The following GABRB3 variants were observed in gnomAD, a reference collection of about 807,000 sequenced individuals.
GABRB3 encodes gamma-aminobutyric acid type A receptor subunit beta3.
In GABRB3, 14 loss-of-function variants were observed where a neutral mutation model predicts 52.1. That is an observed-to-expected ratio of 0.27 (90% CI 0.18 to 0.42). GABRB3 has a LOEUF of 0.42. Among genes scored for constraint, GABRB3 ranks in the 10% least tolerant of loss-of-function variants. GABRB3 has a pLI of 1.00. For synonymous variants in GABRB3, 260 were observed against 232.3 expected (o/e 1.12, Z -1.08); for missense variants, 307 against 609.1 (o/e 0.50, Z 5.22).
rs114354844 is a variant in GABRB3, at chr15:26,653,725, C to A, written c.241-32191G>T. On this transcript the variant is annotated intron_variant, in intron 3 of 8. Transcript: ENST00000311550. The stretch of plus-strand genomic sequence containing the variant: ...TACAGTTAGGTCAGATCTTTTTCAC[C>A]GTCATAATTTTCTTACTGTCATAAT... 3.3e-5 allele frequency among the ~76,000 whole-genome samples: 5 copies of A among 152,256 alleles called. No homozygotes were observed. The South Asian group carries it at 1.0e-3, about 32-fold the overall frequency.
chr15:26,596,535 C>T (rs892735096), intron 4 of GABRB3, among the ~76,000 whole-genome samples: 2 of 151,946 alleles, frequency 1.3e-5, no homozygotes, highest in Non-Finnish European at 2.9e-5. Context: ...ATAAAACATT[C>T]CCCCCAAAAA....
At chr15:26,762,493 G>C (rs528679474) in intron 3 of GABRB3, among the ~76,000 whole-genome samples, 8 of 152,144 alleles carry the variant, frequency 5.3e-5, no homozygotes, top group African/African-American at 1.9e-4. Context: ...GTGAAGAAGT[G>C]CTAATTAAGG....
rs1231602260 is a variant in GABRB3, at chr15:26,551,835, G to C, written c.1081-3701C>G. On this transcript the variant is annotated intron_variant, in intron 8 of 8. Transcript: ENST00000311550. ...ACAGCCAGGCTGAGTGCTTGGAGATGGGAATGGACCGAGATCACACCACCT... is the reference window on the plus strand; with the variant it reads ...ACAGCCAGGCTGAGTGCTTGGAGATCGGAATGGACCGAGATCACACCACCT... Among the ~76,000 whole-genome samples, 4 of 151,892 alleles carry C rather than the reference G, an allele frequency of 2.6e-5. No individual in the cohort carries two copies. The East Asian group carries it at 7.7e-4, about 29-fold the overall frequency.
chr15:26,755,085 C>A (rs1890624196), intron 3 of GABRB3, among the ~76,000 whole-genome samples: 1 of 149,680 alleles, frequency 6.7e-6, no homozygotes, highest in South Asian at 2.1e-4. Context: ...CTCACTGCAA[C>A]CTCCAACTCC....
intron 3 of GABRB3, among the ~76,000 whole-genome samples, chr15:26,744,836 CATTT>C (rs1697325212): frequency 6.6e-6 from 1 of 152,118 alleles, no homozygotes; most frequent in South Asian, 2.1e-4. Flanking sequence ...TACTTATTGA[CATTT>C]ATTTATATAA....
intron 3 of GABRB3, among the ~76,000 whole-genome samples, chr15:26,674,910 T>C (rs1319260191): frequency 1.3e-5 from 2 of 152,222 alleles, no homozygotes; most frequent in African/African-American, 4.8e-5. Context: ...TTAGATGTAC[T>C]GTTTTCTCCT....
At chr15:26,722,280 A>T (rs1007978893) in intron 3 of GABRB3, among the ~76,000 whole-genome samples, 1 of 152,150 alleles carries the variant, frequency 6.6e-6, no homozygotes, top group African/African-American at 2.4e-5. Context: ...CACGAAAGGG[A>T]GGAGACCTGA....
chr15:26,550,874 C>CAAACTTAGTGGTAAACACGGTAAATTTG (rs1205983563), intron 8 of GABRB3, among the ~76,000 whole-genome samples: 3 of 152,242 alleles, frequency 2.0e-5, no homozygotes, highest in Non-Finnish European at 4.4e-5. Context: ...TTGTGGTAAT[C>CAAACTTAGTGGTAAACACGGTAAATTTG]TGTTACAGTG....
intron 3 of GABRB3, among the ~76,000 whole-genome samples, chr15:26,674,052 T>C (rs1251555850): frequency 1.3e-5 from 2 of 150,972 alleles, no homozygotes; most frequent in Non-Finnish European, 2.9e-5. Context: ...ATCAATCACA[T>C]ATTTAACCCC....
chr15:26,732,922 C>T (rs971221333), intron 3 of GABRB3, among the ~76,000 whole-genome samples: 21 of 151,794 alleles, frequency 1.4e-4, no homozygotes, highest in African/African-American at 2.9e-4. Flanking sequence ...TCCTTGAGCC[C>T]GGGAGTTTGA....
Position 26,662,527 on chromosome 15 carries a change from ACC to A in GABRB3, c.241-40995_241-40994del, listed in dbSNP as rs142040954. On this transcript the variant is annotated intron_variant, in intron 3 of 8. Coordinates refer to ENST00000311550, the MANE Select transcript of GABRB3 (RefSeq NM_000814.6). Reference sequence around the variant, plus strand: ...TTTAGCTTTCAGTGGTTTGTGTAAAACCCCATAATAATTAGGCCTCATTACTC... The same window carrying A: ...TTTAGCTTTCAGTGGTTTGTGTAAAACCATAATAATTAGGCCTCATTACTC... 1.7e-3 allele frequency among the ~76,000 whole-genome samples: 254 copies of A among 152,234 alleles called. 4 individuals carry two copies. The highest frequency in any genetic ancestry group is 5.9e-3 in the African/African-American group (243 of 41,536).
At chr15:26,713,298 T>A (rs532386228) in intron 3 of GABRB3, among the ~76,000 whole-genome samples, 10 of 152,266 alleles carry the variant, frequency 6.6e-5, no homozygotes, top group Admixed American at 6.5e-4. Flanking sequence ...ATAACCTTTT[T>A]ATTATTTTTT....
intron 3 of GABRB3, among the ~76,000 whole-genome samples, chr15:26,758,827 A>G (rs190094145): frequency 1.1e-3 from 166 of 152,372 alleles, no homozygotes; most frequent in African/African-American, 3.8e-3. Context: ...ACCATTGTAG[A>G]CAAATTATGT....
chr15:26,587,368 C>T (rs765290068), intron 4 of GABRB3, among the ~76,000 whole-genome samples: 17 of 152,178 alleles, frequency 1.1e-4, no homozygotes, highest in African/African-American at 3.4e-4. Context: ...CTTGCTCATG[C>T]GGCAAAAGGT....
chr15:26,715,659 T>A (rs1416152390), intron 3 of GABRB3, among the ~76,000 whole-genome samples: 1 of 152,216 alleles, frequency 6.6e-6, no homozygotes, highest in Non-Finnish European at 1.5e-5. Flanking sequence ...AAATTATAGA[T>A]AATGAAATGC....
intron 3 of GABRB3, among the ~76,000 whole-genome samples, chr15:26,705,485 A>T (rs779654044): frequency 1.8e-4 from 28 of 152,250 alleles, no homozygotes; most frequent in Non-Finnish European, 3.5e-4. Flanking sequence ...CAGATGAATG[A>T]TAACAAACTC....
chr15:26,674,327 G>A (rs1437913062), intron 3 of GABRB3, among the ~76,000 whole-genome samples: 1 of 146,408 alleles, frequency 6.8e-6, no homozygotes, highest in Non-Finnish European at 1.5e-5. Context: ...CTTGAACCCA[G>A]GAGGCGAAGG....
rs908582696 is a variant in GABRB3, at chr15:26,544,542, G to C, written c.*3251C>G. 2 of 152,194 alleles carry C rather than the reference G, an allele frequency of 1.3e-5. No individual in the cohort carries two copies. The highest frequency in any genetic ancestry group is 6.5e-5 in the Admixed American group (1 of 15,280). 9.4% of individuals were successfully genotyped at this position (152,194 alleles called of 1,614,324 possible). Reference sequence around the variant, plus strand: ...TTTCTAGTTCGTTTGAGATTCAGGGGAAATGGATGTCGCATGGTATAGACA... The same window carrying C: ...TTTCTAGTTCGTTTGAGATTCAGGGCAAATGGATGTCGCATGGTATAGACA... On this transcript the variant is annotated 3_prime_UTR_variant, in exon 9 of 9. Transcript: ENST00000311550.
chr15:26,706,097 A>T (rs1438473131), intron 3 of GABRB3, among the ~76,000 whole-genome samples: 2 of 152,208 alleles, frequency 1.3e-5, no homozygotes, highest in Non-Finnish European at 2.9e-5. Flanking sequence ...CAGTACATGG[A>T]TGTTGATTAT....
Sources: gnomAD v4.1 joint callset for allele counts (sites outside exome capture counted in the v4.1 genomes callset) on GRCh38, gnomAD v4.1.1 for gene constraint, MANE v1.5 for transcripts, NCBI Gene and HGNC (gene_info 2026-07-23, HGNC 2026-07-21) for gene names.